DSCAM: variants seen among roughly 807,000 people sequenced by gnomAD.
DSCAM encodes the protein DS cell adhesion molecule, also known as cell adhesion molecule DSCAM.
In DSCAM, 47 loss-of-function variants were observed where a neutral mutation model predicts 217.7. The ratio of observed to expected loss-of-function variants is 0.22; its 90% CI spans 0.17 to 0.28. The LOEUF (loss-of-function observed/expected upper bound fraction) is 0.28. DSCAM is among the 10% of genes least tolerant of loss of function. The pLI is 1.00. For missense variants in DSCAM, 2,080 were observed against 2,618.3 expected, an observed-to-expected ratio of 0.79 and a Z score of 4.49; for synonymous variants, 1,056 against 1,015.3, an observed-to-expected ratio of 1.04 and a Z score of -0.76.
intron 3 of DSCAM, among the ~76,000 whole-genome samples, chr21:40,391,683 C>T (rs1299168245): frequency 1.3e-5 from 2 of 152,158 alleles, no homozygotes; most frequent in Admixed American, 1.3e-4. Flanking sequence ...CCTACAGTGT[C>T]CCACATAGCA....
intron 1 of DSCAM, among the ~76,000 whole-genome samples, chr21:40,823,485 T>C (rs868817860): frequency 6.6e-6 from 1 of 152,146 alleles, no homozygotes; most frequent in Non-Finnish European, 1.5e-5. Flanking sequence ...AGGATATGAA[T>C]GAGGGAAAAT....
intron 1 of DSCAM, among the ~76,000 whole-genome samples, chr21:40,729,869 T>A (rs1035040048): frequency 6.6e-6 from 1 of 152,196 alleles, no homozygotes; most frequent in African/African-American, 2.4e-5. Context: ...ACAACTGCAC[T>A]ACAACCAAAT....
intron 3 of DSCAM, among the ~76,000 whole-genome samples, chr21:40,573,885 A>G (rs2146208229): frequency 6.6e-6 from 1 of 152,310 alleles, no homozygotes; most frequent in East Asian, 1.9e-4. Context: ...CACTTATATA[A>G]AACAGATTCC....
intron 3 of DSCAM, among the ~76,000 whole-genome samples, chr21:40,655,118 G>A (rs1217970629): frequency 6.6e-6 from 1 of 152,064 alleles, no homozygotes; most frequent in Non-Finnish European, 1.5e-5. Flanking sequence ...ACAGTCCACA[G>A]CGTGCCACAC....
At chr21:40,044,352 C>A in intron 30 of DSCAM, 77 bp from the exon 31 acceptor site, 1 of 1,454,298 alleles carries the variant, frequency 6.9e-7, no homozygotes. Context: ...GAGGTCAGTG[C>A]CACCCACCCA....
chr21:40,113,891 C>T (rs1344887349), intron 20 of DSCAM, among the ~76,000 whole-genome samples: 3 of 151,826 alleles, frequency 2.0e-5, no homozygotes, highest in African/African-American at 7.3e-5. Flanking sequence ...AACTACAAAC[C>T]ACTGCTCAAC....
At chr21:40,702,037 C>T (rs749908999) in intron 2 of DSCAM, among the ~76,000 whole-genome samples, 24 of 152,008 alleles carry the variant, frequency 1.6e-4, no homozygotes, top group African/African-American at 5.1e-4. Flanking sequence ...TTGAAATCTC[C>T]GGCTATAATT....
intron 3 of DSCAM, among the ~76,000 whole-genome samples, chr21:40,524,665 C>T (rs1347791050): frequency 1.3e-5 from 2 of 152,008 alleles, no homozygotes; most frequent in South Asian, 4.1e-4. Context: ...TCAGGGAAAA[C>T]TTTTTTTAAA....
At chr21:40,347,182 C>CA (rs1360601631) in intron 6 of DSCAM, among the ~76,000 whole-genome samples, 1 of 151,708 alleles carries the variant, frequency 6.6e-6, no homozygotes, top group Non-Finnish European at 1.5e-5. Flanking sequence ...CCTGTAATCC[C>CA]AGCTACTCGG....
chr21:40,741,366 G>C (rs570057509), intron 1 of DSCAM, among the ~76,000 whole-genome samples: 2 of 152,132 alleles, frequency 1.3e-5, no homozygotes, highest in Non-Finnish European at 2.9e-5. Flanking sequence ...TAAAACATGT[G>C]AATGCACATG....
At chr21:40,474,813 C>T (rs965423228) in intron 3 of DSCAM, among the ~76,000 whole-genome samples, 1 of 152,162 alleles carries the variant, frequency 6.6e-6, no homozygotes, top group Non-Finnish European at 1.5e-5. Flanking sequence ...CCATTAGAGA[C>T]TGAGGGGAAC....
chr21:40,654,694 C>T (rs79058703), intron 3 of DSCAM, among the ~76,000 whole-genome samples: 2,033 of 152,220 alleles, frequency 0.013, 39 homozygotes, highest in African/African-American at 0.046. Flanking sequence ...CAGTGCCTGG[C>T]GGAGTTTTCC....
chr21:40,178,908 T>G lies in DSCAM; in HGVS notation c.2947+19A>C, dbSNP rs768363394. On this transcript the variant is annotated intron_variant, in intron 15 of 32. Coordinates refer to ENST00000400454, the MANE Select transcript of DSCAM (RefSeq NM_001389.5). Reference sequence around the variant, plus strand: ...CTCCCGGGCTCCTCTGGAGCAAGGTTCCGCCCGGTCCCACGTACCTGCCTC... The same window carrying G: ...CTCCCGGGCTCCTCTGGAGCAAGGTGCCGCCCGGTCCCACGTACCTGCCTC... 1.9e-6 allele frequency: 3 copies of G among 1,612,300 alleles called. No individual in the cohort carries two copies. Among genetic ancestry groups the G allele is most frequent in the African/African-American group, 1.3e-5 (1 of 74,876 alleles).
intron 3 of DSCAM, among the ~76,000 whole-genome samples, chr21:40,680,217 T>C (rs1035985856): frequency 5.9e-5 from 9 of 152,304 alleles, no homozygotes; most frequent in African/African-American, 2.2e-4. Context: ...AGGTTGAATA[T>C]GGGGTATGGA....
At chr21:40,598,598 G>C (rs112173919) in intron 3 of DSCAM, among the ~76,000 whole-genome samples, 4,388 of 143,592 alleles carry the variant, frequency 0.031, 181 homozygotes, top group East Asian at 0.1. Flanking sequence ...TCCGCCTCCT[G>C]GGTTCAAGTG....
At chr21:40,146,279 G>A (rs116852007) in intron 16 of DSCAM, among the ~76,000 whole-genome samples, 1,920 of 151,790 alleles carry the variant, frequency 0.013, 27 homozygotes, top group South Asian at 0.023. Flanking sequence ...GGGAGGTGGC[G>A]GGGCACGGCT....
chr21:40,509,321 C>A (rs1036440237), intron 3 of DSCAM, among the ~76,000 whole-genome samples: 2 of 152,200 alleles, frequency 1.3e-5, no homozygotes, highest in East Asian at 1.9e-4. Context: ...AGATGTCAAA[C>A]CTCTCTAATC....
intron 3 of DSCAM, among the ~76,000 whole-genome samples, chr21:40,564,984 A>T (rs2076753662): frequency 6.6e-6 from 1 of 152,096 alleles, no homozygotes; most frequent in Non-Finnish European, 1.5e-5. Flanking sequence ...GGTGGAGGGG[A>T]GGATACTGCT....
At chr21:40,170,331 C>T (rs2090643000) in intron 15 of DSCAM, among the ~76,000 whole-genome samples, 1 of 152,218 alleles carries the variant, frequency 6.6e-6, no homozygotes, top group Non-Finnish European at 1.5e-5. Context: ...CTCTACATGG[C>T]ACCAGGAACT....
Sources: gnomAD v4.1 joint callset for allele counts (sites outside exome capture counted in the v4.1 genomes callset) on GRCh38, gnomAD v4.1.1 for gene constraint, MANE v1.5 for transcripts, NCBI Gene and HGNC (gene_info 2026-07-23, HGNC 2026-07-21) for gene names.